WNT7B: variants seen among roughly 807,000 people sequenced by gnomAD.
WNT7B encodes the protein protein Wnt-7b.
A neutral mutation model predicts 38.2 loss-of-function variants in WNT7B; 19 were observed. The observed-to-expected ratio is 0.50, with a 90% CI of 0.35 to 0.73. The LOEUF (loss-of-function observed/expected upper bound fraction) is 0.73. WNT7B is among the 30% of genes least tolerant of loss of function. WNT7B has a pLI of 0.01. For missense variants in WNT7B, 423 were observed against 507.9 expected (o/e 0.83, Z 1.61); for synonymous variants, 243 against 209.3 (o/e 1.16, Z -1.39).
chr22:45,942,594 G>T (rs1931676081), intron 2 of WNT7B, among the ~76,000 whole-genome samples: 1 of 152,234 alleles, frequency 6.6e-6, no homozygotes, highest in Non-Finnish European at 1.5e-5. Flanking sequence ...GACCAGCCGG[G>T]GCCAAGGTGC....
chr22:45,944,081 C>G (rs1430843484), intron 2 of WNT7B, among the ~76,000 whole-genome samples: 1 of 152,180 alleles, frequency 6.6e-6, no homozygotes, highest in Non-Finnish European at 1.5e-5. Context: ...CATCAAGGTC[C>G]CCAGGGCACC....
In WNT7B at chr22:45,976,766, G is replaced by T. The variant is rs527482953; in HGVS notation, c.-12C>A. On this transcript the variant is annotated 5_prime_UTR_variant, in exon 1 of 4. Coordinates refer to ENST00000339464, the MANE Select transcript of WNT7B (RefSeq NM_058238.3). The surrounding 1 kb of genome is among the most constrained non-coding windows in gnomAD (Gnocchi z 8.5). ...AAGTTTCTGTGCATGATCCAGGGAG[G>T]GGGGCTGCGCCATAGACAGCGGCGG... The T allele has an allele frequency of 1.9e-6, 3 of 1,603,820 alleles. No homozygotes were observed. The Admixed American group carries it at 5.0e-5, about 27-fold the overall frequency.
Position 45,931,219 on chromosome 22 carries a change from C to T in WNT7B, c.449G>A (p.Gly150Asp). The T allele has an allele frequency of 6.3e-7, 1 of 1,599,416 alleles. No individual in the cohort carries two copies. Among genetic ancestry groups the T allele is most frequent in the African/African-American group, 1.3e-5 (1 of 75,064 alleles). ...GTAACGCACGTCGGCCGAGCAGCCG[C>T]CCCACTTCCAGCCCTCGGCTTGGTT... ...YYNQAEGWKWGGCSADVRYGI... is the reference protein window; with the variant it reads ...YYNQAEGWKWDGCSADVRYGI... The change falls in exon 3 of 4, where the codon GGC (glycine) becomes GAC (aspartate). Residue 150 changes from glycine to aspartate, a missense_variant. Transcript: ENST00000339464.
At chr22:45,945,365 C>T (rs984810704) in intron 2 of WNT7B, among the ~76,000 whole-genome samples, 6 of 152,220 alleles carry the variant, frequency 3.9e-5, no homozygotes, top group Non-Finnish European at 5.9e-5. Context: ...AAGTGTGAGC[C>T]ACCATGCCTG....
At chr22:45,953,263 CCTCACAGTCACCGTGTCCTCGGCTTCCT>C (rs1601732841) in intron 1 of WNT7B, among the ~76,000 whole-genome samples, 1 of 138,180 alleles carries the variant, frequency 7.2e-6, no homozygotes, top group Admixed American at 7.2e-5. Context: ...CTCGGCTTCC[CCTCACAGTCACCGTGTCCTCGGCTTCCT>C]CTCACAGTCA....
At chr22:45,958,436 C>G (rs992260350) in intron 1 of WNT7B, among the ~76,000 whole-genome samples, 1 of 152,220 alleles carries the variant, frequency 6.6e-6, no homozygotes, top group Non-Finnish European at 1.5e-5. Context: ...GCTTCAAAGC[C>G]TCCCCCAGCA....
chr22:45,928,229 T>C (rs928430556), intron 3 of WNT7B, among the ~76,000 whole-genome samples: 1 of 152,060 alleles, frequency 6.6e-6, no homozygotes, highest in Non-Finnish European at 1.5e-5. Context: ...GGGGCAGGCC[T>C]GGTACTCTGT....
At chr22:45,935,954 C>T in intron 2 of WNT7B, 1 of 985,242 alleles carries the variant, frequency 1.0e-6, no homozygotes, top group Non-Finnish European at 1.2e-6. Context: ...CTCGGGGGGC[C>T]TAGGGGCCTC....
At chr22:45,972,458 C>CG (rs1932469080) in intron 1 of WNT7B, 1 of 211,782 alleles carries the variant, frequency 4.7e-6, no homozygotes, top group Non-Finnish European at 9.3e-6. Flanking sequence ...GGCTGGAGTG[C>CG]GGGGCGGGGA....
intron 1 of WNT7B, among the ~76,000 whole-genome samples, chr22:45,960,199 G>GC (rs1932164469): frequency 6.6e-6 from 1 of 152,086 alleles, no homozygotes; most frequent in Admixed American, 6.5e-5. Context: ...CCCCAGACCT[G>GC]CCCCCTCAGC....
intron 2 of WNT7B, among the ~76,000 whole-genome samples, chr22:45,933,743 G>A (rs1931439091): frequency 1.3e-5 from 2 of 152,150 alleles, no homozygotes; most frequent in Admixed American, 6.5e-5. Context: ...GCATGGATTC[G>A]CTTGCTGTGT....
At chr22:45,974,867 G>C (rs1284164344) in intron 1 of WNT7B, among the ~76,000 whole-genome samples, 2 of 152,150 alleles carry the variant, frequency 1.3e-5, no homozygotes, top group Non-Finnish European at 2.9e-5. Flanking sequence ...GAAGGGACCA[G>C]GAGGCTTGGG....
intron 1 of WNT7B, among the ~76,000 whole-genome samples, chr22:45,968,809 T>C (rs1264992129): frequency 1.3e-5 from 2 of 152,116 alleles, no homozygotes; most frequent in African/African-American, 4.8e-5. Flanking sequence ...ACACCCTCTA[T>C]GGAACGTTCT....
Position 45,932,207 on chromosome 22 carries a change from G to T in WNT7B, c.299-838C>A, listed in dbSNP as rs886934547. ...CCAAGCCCACGGCTGAGCTGGGAGGGGAGGGTCCCAGGTCAATGCCTACTG... is the reference window on the plus strand; with the variant it reads ...CCAAGCCCACGGCTGAGCTGGGAGGTGAGGGTCCCAGGTCAATGCCTACTG... On this transcript the variant is annotated intron_variant, in intron 2 of 3. Transcript: ENST00000339464. Among the ~76,000 whole-genome samples the T allele has an allele frequency of 2.6e-5, 4 of 152,266 alleles. No individual in the cohort carries two copies. The East Asian group carries it at 7.7e-4, about 29-fold the overall frequency.
At chr22:45,950,540 AC>A (rs997231304) in intron 1 of WNT7B, among the ~76,000 whole-genome samples, 90 of 152,136 alleles carry the variant, frequency 5.9e-4, no homozygotes, top group African/African-American at 2.0e-3. Flanking sequence ...TAAGCGGCAG[AC>A]CCCAACTCCC....
In WNT7B at chr22:45,943,088, CGT is replaced by C. The variant is rs536321686; in HGVS notation, c.298+6830_298+6831del. 8.4e-4 allele frequency among the ~76,000 whole-genome samples: 128 copies of C among 151,698 alleles called. No homozygotes were observed. The Middle Eastern group carries it at 0.014, about 16-fold the overall frequency. On this transcript the variant is annotated intron_variant, in intron 2 of 3. Transcript: ENST00000339464. ...GTGTGCACATGTGTGCACGTGTGTG[CGT>C]GTGTTTGTGTGTGTGCATGTGTGTG...
chr22:45,946,489 C>T (rs1931799221), intron 2 of WNT7B, among the ~76,000 whole-genome samples: 1 of 152,188 alleles, frequency 6.6e-6, no homozygotes, highest in African/African-American at 2.4e-5. Context: ...TCTCCTGCCC[C>T]CACCGTGGCA....
intron 3 of WNT7B, chr22:45,926,887 G>A (rs577721983): frequency 2.0e-6 from 2 of 985,462 alleles, no homozygotes; most frequent in East Asian, 2.3e-4. Context: ...TTAGGACGGT[G>A]TGAACAATGC....
intron 1 of WNT7B, among the ~76,000 whole-genome samples, chr22:45,960,175 CTTTGGCCAG>C (rs1932163694): frequency 6.6e-6 from 1 of 152,166 alleles, no homozygotes; most frequent in African/African-American, 2.4e-5. Flanking sequence ...TCCTTGGCCA[CTTTGGCCAG>C]GTGGCCCCAG....
Sources: allele counts gnomAD v4.1 joint callset (sites outside exome capture counted in the v4.1 genomes callset), GRCh38; gene constraint gnomAD v4.1.1; non-coding constraint Gnocchi (gnomAD v3.1); transcripts MANE v1.5; gene names NCBI Gene and HGNC (gene_info 2026-07-23, HGNC 2026-07-21).